Variants in SLC6A20 observed in about 807,000 individuals in gnomAD.
The protein encoded by SLC6A20 is sodium- and chloride-dependent transporter XTRP3.
SLC6A20 carries 73 observed loss-of-function variants against 64.3 expected under a neutral mutation model. The ratio of observed to expected loss-of-function variants is 1.14; its 90% confidence interval spans 0.94 to 1.38. SLC6A20 has a LOEUF of 1.38. Among genes scored for constraint, SLC6A20 ranks in the 40% most tolerant of loss-of-function variants. SLC6A20 has a pLI of 0.00. For missense variants in SLC6A20, 725 were observed against 772.8 expected (o/e 0.94, Z 0.73); for synonymous variants, 347 against 329.6 (o/e 1.05, Z -0.57).
Position 45,756,944 on chromosome 3 carries a change from G to A in SLC6A20, c.*2034C>T, listed in dbSNP as rs1419569375. The A allele has an allele frequency of 1.3e-5, 2 of 152,134 alleles. No homozygotes were observed. The highest frequency in any genetic ancestry group is 2.9e-5 in the Non-Finnish European group (2 of 68,038). The allele number at this position is 152,134 out of a possible 1,614,324, so 9.4% of individuals were successfully genotyped here. On this transcript the variant is annotated 3_prime_UTR_variant, in exon 11 of 11. Coordinates refer to ENST00000358525, the MANE Select transcript of SLC6A20 (RefSeq NM_020208.4). Reference sequence around the variant, plus strand: ...TTTTTACTGTCTTAGCGAGGGGAGTGTAGCAGGGCAACAGGTGGGAAGAAG... The same window carrying A: ...TTTTTACTGTCTTAGCGAGGGGAGTATAGCAGGGCAACAGGTGGGAAGAAG...
intron 4 of SLC6A20, among the ~76,000 whole-genome samples, chr3:45,775,327 G>C (rs1012960606): frequency 6.6e-6 from 1 of 152,074 alleles, no homozygotes; most frequent in Admixed American, 6.5e-5. Flanking sequence ...GCAGAATTTT[G>C]GGGGGCGGGG....
chr3:45,768,602 G>A (rs720625), intron 7 of SLC6A20, among the ~76,000 whole-genome samples: 88,104 of 152,074 alleles, frequency 0.58, 25,741 homozygotes, highest in Non-Finnish European at 0.62. Context: ...GCCAATAACA[G>A]GCATGGAGCT....
intron 1 of SLC6A20, among the ~76,000 whole-genome samples, chr3:45,785,201 G>C (rs1157879561): frequency 6.6e-6 from 1 of 152,156 alleles, no homozygotes; most frequent in Non-Finnish European, 1.5e-5. Context: ...GGAAGGGGTT[G>C]ACTACAAGGG....
At chr3:45,796,234 G>A (rs1700343322) in intron 1 of SLC6A20, 65 bp downstream of exon 1, 1 of 1,549,212 alleles carries the variant, frequency 6.5e-7, no homozygotes, top group Non-Finnish European at 8.7e-7. Flanking sequence ...GTCTAACCCC[G>A]GCTCGCACAC....
chr3:45,766,561 C>T (rs1198305162), intron 7 of SLC6A20, among the ~76,000 whole-genome samples: 2 of 152,194 alleles, frequency 1.3e-5, no homozygotes, highest in African/African-American at 4.8e-5. Context: ...GAACCATGTC[C>T]ACCTGAAATT....
chr3:45,786,736 A>G (rs1042682261), intron 1 of SLC6A20, among the ~76,000 whole-genome samples: 7 of 152,228 alleles, frequency 4.6e-5, no homozygotes, highest in African/African-American at 1.7e-4. Context: ...GATTATTGCC[A>G]CACTGGTTGC....
chr3:45,794,995 G>A, intron 1 of SLC6A20, among the ~76,000 whole-genome samples: 1 of 152,182 alleles, frequency 6.6e-6, no homozygotes, highest in East Asian at 1.9e-4. Context: ...TTTGGGGTAA[G>A]GGGAGGAGGG....
Position 45,772,575 on chromosome 3 carries a change from A to G in SLC6A20, c.623T>C (p.Ile208Thr). 1 of 1,614,006 alleles carries G rather than the reference A, an allele frequency of 6.2e-7. No homozygotes were observed. The highest frequency in any genetic ancestry group is 2.2e-5 in the East Asian group (1 of 44,870). The change falls in exon 5 of 11, where the codon ATC becomes ACC. Residue 208 changes from isoleucine to threonine, a missense_variant. By Grantham distance (89) the Ile-to-Thr change is moderately conservative. Coordinates refer to ENST00000358525, the MANE Select transcript of SLC6A20 (RefSeq NM_020208.4). ...FTASLPYCVL[I>T]IYLIRGLTLH... Reference sequence around the variant, plus strand: ...CGTGAGGCCCCTGATGAGGTAGATGATGAGCACGCAATAGGGCAGTGACGC... The same window carrying G: ...CGTGAGGCCCCTGATGAGGTAGATGGTGAGCACGCAATAGGGCAGTGACGC...
At chr3:45,796,231 C>T (rs936980823) in intron 1 of SLC6A20, 68 bp downstream of exon 1, 4 of 1,547,074 alleles carry the variant, frequency 2.6e-6, no homozygotes, top group East Asian at 2.5e-5. Context: ...TGGGTCTAAC[C>T]CCGGCTCGCA....
Position 45,775,939 on chromosome 3 carries a change from T to C in SLC6A20, c.404A>G (p.Tyr135Cys), listed in dbSNP as rs746453761. ...GGACGCCTTCTCACACTCCTCATCGTAGCCCGTGTGGTTACCATTCAGTGG... is the reference window on the plus strand; with the variant it reads ...GGACGCCTTCTCACACTCCTCATCGCAGCCCGTGTGGTTACCATTCAGTGG... ...VCPLNGNHTG[Y>C]DEECEKASST... is the part of the protein sequence containing the mutation. The change falls in exon 4 of 11, where the codon TAC (tyrosine) becomes TGC (cysteine). Residue 135 changes from tyrosine to cysteine, a missense_variant. Tyr to Cys is a radical substitution (Grantham distance 194). Transcript: ENST00000358525. 9.9e-6 allele frequency: 16 copies of C among 1,614,086 alleles called. No individual in the cohort carries two copies. In the East Asian group the frequency reaches 3.6e-4, roughly 36 times the overall value.
At chr3:45,772,081 G>A (rs1161032710) in intron 5 of SLC6A20, 1 of 188,926 alleles carries the variant, frequency 5.3e-6, no homozygotes, top group Admixed American at 5.7e-5. Context: ...CCCTGGGTGT[G>A]GGGTGCATGG....
Position 45,770,336 on chromosome 3 carries a change from T to G in SLC6A20, c.971A>C (p.Glu324Ala), listed in dbSNP as rs911058208. The change falls in exon 7 of 11, where the codon GAA becomes GCA. Residue 324 changes from glutamate (E) to alanine (A), a missense_variant. Coordinates refer to ENST00000358525, the MANE Select transcript of SLC6A20 (RefSeq NM_020208.4). The stretch of plus-strand genomic sequence containing the variant: ...GTTGCTGGCTGTCAAAAAGCCATCT[T>G]CAAGGTCAAAAGTGTTGGTCAGCAG... ...SLLLTNTFDL[E>A]DGFLTASNLE... 27 of 1,614,086 alleles carry G rather than the reference T, an allele frequency of 1.7e-5. No homozygotes were observed. The highest frequency in any genetic ancestry group is 2.3e-5 in the Non-Finnish European group (27 of 1,180,054).
chr3:45,757,392 C>CAAT lies in SLC6A20; in HGVS notation c.*1583_*1585dup, dbSNP rs2125714075. On this transcript the variant is annotated 3_prime_UTR_variant, in exon 11 of 11. Transcript: ENST00000358525. ...GTCTCAGTGGGGGGGAAACCTTGGA[C>CAAT]AATACCCAGGCTTTCTTGGGCAGAG... 1 of 152,368 alleles carries CAAT rather than the reference C, an allele frequency of 6.6e-6. No individual in the cohort carries two copies. Among genetic ancestry groups the CAAT allele is most frequent in the South Asian group, 2.1e-4 (1 of 4,826 alleles). 9.4% of individuals were successfully genotyped at this position (152,368 alleles called of 1,614,324 possible).
In SLC6A20 at chr3:45,771,171, C is replaced by G. The variant is rs748883148; in HGVS notation, c.935+46G>C. On this transcript the variant is annotated intron_variant, in intron 6 of 10. Coordinates refer to ENST00000358525, the MANE Select transcript of SLC6A20 (RefSeq NM_020208.4). ...CCCTTGCCCAGGCGACCCTTCAGCTCAGAGCTCAGGGAGGCCTGGGACTCG... is the reference window on the plus strand; with the variant it reads ...CCCTTGCCCAGGCGACCCTTCAGCTGAGAGCTCAGGGAGGCCTGGGACTCG... 6 of 1,612,284 alleles carry G rather than the reference C, an allele frequency of 3.7e-6. No homozygotes were observed. In the African/African-American group the frequency reaches 8.0e-5, roughly 22 times the overall value.
rs993661258 is a variant in SLC6A20, at chr3:45,770,218, C to T, written c.1089G>A (p.Glu363=). 2.5e-6 allele frequency: 4 copies of T among 1,614,084 alleles called. No homozygotes were observed. Among genetic ancestry groups the T allele is most frequent in the Non-Finnish European group, 3.4e-6 (4 of 1,180,032 alleles). Reference sequence around the variant, plus strand: ...TGCCTGGGCATCTTACCGTGTCTAGCTCCGATTCCAAGCTGCAGTTTTTGA... The same window carrying T: ...TGCCTGGGCATCTTACCGTGTCTAGTTCCGATTCCAAGCTGCAGTTTTTGA... ...PQIKNCSLES[E]LDTAVQGTGL... is the part of the protein sequence containing the mutation. Residue 363 remains glutamate, a synonymous_variant, in exon 7 of 11, where the codon GAG becomes GAA. Coordinates refer to ENST00000358525, the MANE Select transcript of SLC6A20 (RefSeq NM_020208.4).
rs914338038 is a variant in SLC6A20, at chr3:45,758,211, C to T, written c.*767G>A. ...GGATTACAGGCGTGAGCCACCGTGC[C>T]CAGCTGAGATCCACTTTCATTCTCA... On this transcript the variant is annotated 3_prime_UTR_variant, in exon 11 of 11. Transcript: ENST00000358525. The T allele has an allele frequency of 4.1e-6, 1 of 245,958 alleles. No individual in the cohort carries two copies. Among genetic ancestry groups the T allele is most frequent in the Non-Finnish European group, 8.0e-6 (1 of 124,502 alleles). 15.2% of individuals were successfully genotyped at this position (245,958 alleles called of 1,614,324 possible).
intron 1 of SLC6A20, among the ~76,000 whole-genome samples, chr3:45,788,315 G>C (rs138345694): frequency 4.6e-5 from 7 of 151,908 alleles, no homozygotes; most frequent in African/African-American, 1.7e-4. Flanking sequence ...CAGAAGAAAA[G>C]GATAAAGAGA....
intron 1 of SLC6A20, among the ~76,000 whole-genome samples, chr3:45,795,967 G>C (rs1279771074): frequency 6.6e-6 from 1 of 152,018 alleles, no homozygotes; most frequent in Non-Finnish European, 1.5e-5. Flanking sequence ...TCACTAAGAC[G>C]TCAGACCATT....
intron 10 of SLC6A20, among the ~76,000 whole-genome samples, chr3:45,759,543 G>A (rs1047484736): frequency 4.6e-5 from 7 of 152,232 alleles, no homozygotes; most frequent in East Asian, 3.9e-4. Context: ...CGGTAGGCGC[G>A]GAGGAGAGCG....
Sources: gnomAD v4.1 joint callset for allele counts (sites outside exome capture counted in the v4.1 genomes callset) on GRCh38, gnomAD v4.1.1 for gene constraint, MANE v1.5 for transcripts, NCBI Gene and HGNC (gene_info 2026-07-23, HGNC 2026-07-21) for gene names.